Variants in NOD1 observed in about 807,000 individuals in gnomAD.
The protein encoded by NOD1 is nucleotide binding oligomerization domain containing 1, also known as nucleotide-binding oligomerization domain-containing protein 1.
NOD1 carries 70 observed loss-of-function variants against 81.2 expected under a neutral mutation model. The ratio of observed to expected loss-of-function variants is 0.86; its 90% CI spans 0.71 to 1.05. The LOEUF is 1.05. Among genes scored for constraint, NOD1 ranks in the 50% least tolerant of loss-of-function variants. NOD1 has a pLI of 0.00. For missense variants in NOD1, 1,233 were observed against 1,228.0 expected (o/e 1.00, Z -0.06); for synonymous variants, 508 against 526.9 (o/e 0.96, Z 0.49).
At chr7:30,433,522 C>G in intron 11 of NOD1, 1 of 314,804 alleles carries the variant, frequency 3.2e-6, no homozygotes, top group Non-Finnish European at 5.9e-6. Context: ...CAGTTCTCCT[C>G]TAGTCCCAGG....
chr7:30,437,584 C>A lies in NOD1; in HGVS notation c.2526G>T (p.Leu842Phe). The change falls in exon 10 of 14, where the codon TTG becomes TTT. Residue 842 changes from leucine (L) to phenylalanine (F), a missense_variant. By Grantham distance (22) the Leu-to-Phe change is conservative. Coordinates refer to ENST00000222823, the MANE Select transcript of NOD1 (RefSeq NM_006092.4). ...AGGGCCACAGTTACCTCAGGGTGGT[C>A]AAGCTGGGGTGGTTCCGCAGAGCCT... Reference protein sequence around the residue: ...FAEALRNHPSLTTLSLASNGI... With the variant: ...FAEALRNHPSFTTLSLASNGI... 2 of 1,505,554 alleles carry A rather than the reference C, an allele frequency of 1.3e-6. No homozygotes were observed. Among genetic ancestry groups the A allele is most frequent in the South Asian group, 2.8e-5 (2 of 72,422 alleles). 93.3% of individuals were successfully genotyped at this position (1,505,554 alleles called of 1,614,324 possible).
In NOD1 at chr7:30,452,125, A is replaced by T. The variant is rs759800827; in HGVS notation, c.1292T>A (p.Val431Asp). The part of the protein sequence containing the change: ...LTDVFLLVTE[V>D]HLNRMQPSSL... ...GCTGGGCTGCATCCTGTTCAGATGG[A>T]CCTCAGTGACCAGGAGGAAGACATC... The change falls in exon 6 of 14, where the codon GTC becomes GAC. Residue 431 changes from valine (V) to aspartate (D), a missense_variant. Val to Asp is a radical substitution (Grantham distance 152). Coordinates refer to ENST00000222823, the MANE Select transcript of NOD1 (RefSeq NM_006092.4). The T allele has an allele frequency of 6.2e-7, 1 of 1,613,886 alleles. No homozygotes were observed. Among genetic ancestry groups the T allele is most frequent in the African/African-American group, 1.3e-5 (1 of 75,016 alleles).
intron 6 of NOD1, among the ~76,000 whole-genome samples, chr7:30,449,041 T>C (rs938794922): frequency 1.3e-5 from 2 of 152,224 alleles, no homozygotes; most frequent in African/African-American, 2.4e-5. Context: ...CTGTCACAGC[T>C]ACTCAACTGT....
chr7:30,451,735 G>A lies in NOD1; in HGVS notation c.1682C>T (p.Pro561Leu), dbSNP rs1451524683. The stretch of plus-strand genomic sequence containing the variant: ...CTGCAGGCACTGGAACGGGAGGAAG[G>A]GAGGATAGCAGGACGTGGTCGCTGC... Reference protein sequence around the residue: ...AGAATTSCYPPFLPFQCLQGS... With the variant: ...AGAATTSCYPLFLPFQCLQGS... The change falls in exon 6 of 14, where the codon CCC becomes CTC. Residue 561 changes from proline (P) to leucine (L), a missense_variant. Coordinates refer to ENST00000222823, the MANE Select transcript of NOD1 (RefSeq NM_006092.4). The surrounding 1 kb of genome is among the most constrained non-coding windows in gnomAD (Gnocchi z 4.2). 6.2e-7 allele frequency: 1 copy of A among 1,613,854 alleles called. No homozygotes were observed. Among genetic ancestry groups the A allele is most frequent in the Non-Finnish European group, 8.5e-7 (1 of 1,180,030 alleles).
chr7:30,462,016 G>A (rs540334453), intron 1 of NOD1, among the ~76,000 whole-genome samples: 24 of 152,324 alleles, frequency 1.6e-4, no homozygotes, highest in East Asian at 1.5e-3. Flanking sequence ...GGGATTACAG[G>A]TGTGAGCCAC....
chr7:30,466,979 C>G lies in NOD1; in HGVS notation c.-351-6938G>C, dbSNP rs1418339554. Among the ~76,000 whole-genome samples, 3 of 152,158 alleles carry G rather than the reference C, an allele frequency of 2.0e-5. No individual in the cohort carries two copies. In the South Asian group the frequency reaches 6.2e-4, roughly 32 times the overall value. ...ACCTCACTCCACCCCTCACTTGGCT[C>G]CACAGAACCACATCCATCATTTCTG... On this transcript the variant is annotated intron_variant, in intron 1 of 13. Transcript: ENST00000222823.
In NOD1 at chr7:30,451,768, G is replaced by A. The variant is rs1785745130; in HGVS notation, c.1649C>T (p.Pro550Leu). The change falls in exon 6 of 14, where the codon CCT (proline) becomes CTT (leucine). Residue 550 changes from proline (P) to leucine (L), a missense_variant. Pro to Leu is a moderately conservative substitution (Grantham distance 98, BLOSUM62 -3). Coordinates refer to ENST00000222823, the MANE Select transcript of NOD1 (RefSeq NM_006092.4). The surrounding 1 kb of genome is among the most constrained non-coding windows in gnomAD (Gnocchi z 4.2). Reference protein sequence around the residue: ...LLRFFQEWMPPAGAATTSCYP... With the variant: ...LLRFFQEWMPLAGAATTSCYP... ...GCAGGACGTGGTCGCTGCCCCCGCA[G>A]GGGGCATCCACTCCTGGAAGAACCT... The A allele has an allele frequency of 3.1e-6, 5 of 1,613,674 alleles. No individual in the cohort carries two copies. Among genetic ancestry groups the A allele is most frequent in the African/African-American group, 1.3e-5 (1 of 74,936 alleles).
chr7:30,438,172 T>C (rs540468690), intron 9 of NOD1, among the ~76,000 whole-genome samples: 1 of 152,172 alleles, frequency 6.6e-6, no homozygotes, highest in Non-Finnish European at 1.5e-5. Context: ...TCCTGTCACA[T>C]AAAGAGGACG....
At position 30,436,058 on chromosome 7, in the gene NOD1, G is replaced by T. The variant is rs1268703017; in HGVS notation, c.2561C>A (p.Thr854Lys). The change falls in exon 11 of 14, where the codon ACA (threonine) becomes AAA (lysine). Residue 854 changes from threonine to lysine, a missense_variant. Coordinates refer to ENST00000222823, the MANE Select transcript of NOD1 (RefSeq NM_006092.4). ...TLSLASNGISTEGGKSLARAL... is the reference protein window; with the variant it reads ...TLSLASNGISKEGGKSLARAL... The stretch of plus-strand genomic sequence containing the variant: ...CCTCGCAAGGCTCTTTCCTCCTTCT[G>T]TGGAGATGCCGTTGGACGCAAGACT... 1 of 1,614,014 alleles carries T rather than the reference G, an allele frequency of 6.2e-7. No homozygotes were observed. Among genetic ancestry groups the T allele is most frequent in the African/African-American group, 1.3e-5 (1 of 74,950 alleles).
intron 13 of NOD1, 29 bp downstream of exon 13, chr7:30,429,345 T>G (rs1214214358): frequency 6.4e-7 from 1 of 1,569,660 alleles, no homozygotes; most frequent in South Asian, 1.1e-5. Flanking sequence ...TCACTGGTGT[T>G]ATTACTGTGA....
chr7:30,453,379 C>T lies in NOD1; in HGVS notation c.377-339G>A, dbSNP rs555418495. On this transcript the variant is annotated intron_variant, in intron 5 of 13. Transcript: ENST00000222823. ...ACTGCAGCTAAACACTGAAGCCCCT[C>T]GCACTCGAGGGCCAGGCCAGATGGC... Among the ~76,000 whole-genome samples the T allele has an allele frequency of 2.1e-4, 32 of 152,280 alleles. No homozygotes were observed. In the South Asian group the frequency reaches 4.8e-3, roughly 23 times the overall value.
intron 5 of NOD1, among the ~76,000 whole-genome samples, chr7:30,453,798 G>T (rs1786051862): frequency 6.6e-6 from 1 of 152,226 alleles, no homozygotes; most frequent in South Asian, 2.1e-4. Flanking sequence ...GTTTTCTGGA[G>T]CCTATTTGTA....
In NOD1 at chr7:30,451,032, C is replaced by G. The variant is rs535831349; in HGVS notation, c.2201+184G>C. Among the ~76,000 whole-genome samples the G allele has an allele frequency of 2.0e-5, 3 of 152,308 alleles. No homozygotes were observed. In the South Asian group the frequency reaches 6.2e-4, roughly 32 times the overall value. On this transcript the variant is annotated intron_variant, in intron 6 of 13. Transcript: ENST00000222823. This position sits in a 1 kb window ranked among gnomAD's most constrained non-coding sequence, Gnocchi z 4.2. ...TCAAGGGCACCCAGCTGTGGCTGAT[C>G]CAGGTCCACCTGCCTCGAAGCTTTG... is the stretch of plus-strand genomic sequence containing the variant.
At chr7:30,475,892 C>T (rs1277359181) in intron 1 of NOD1, 2 of 152,198 alleles carry the variant, frequency 1.3e-5, no homozygotes, top group African/African-American at 4.8e-5. Context: ...TTGCCCTCAA[C>T]GAGTATTTGA....
At chr7:30,455,590 C>CTT (rs34626585) in intron 4 of NOD1, among the ~76,000 whole-genome samples, 46,244 of 142,868 alleles carry the variant, frequency 0.32, 8,233 homozygotes, top group African/African-American at 0.47. Flanking sequence ...TTCTCTACCT[C>CTT]TTTTTTTTTT....
At chr7:30,446,095 C>CA (rs1554306714) in intron 9 of NOD1, 46 bp downstream of exon 9, 10 of 1,435,680 alleles carry the variant, frequency 7.0e-6, no homozygotes, top group South Asian at 2.3e-5. Context: ...CCGCCCCCCA[C>CA]ACACACAGCA....
chr7:30,475,458 G>C (rs10224448), intron 1 of NOD1, among the ~76,000 whole-genome samples: 1 of 152,256 alleles, frequency 6.6e-6, no homozygotes, highest in Non-Finnish European at 1.5e-5. Flanking sequence ...GGACGCTTCA[G>C]TAAAACAAAT....
chr7:30,475,567 A>G (rs1478205925), intron 1 of NOD1, among the ~76,000 whole-genome samples: 2 of 152,230 alleles, frequency 1.3e-5, no homozygotes, highest in Non-Finnish European at 2.9e-5. Context: ...CTCATCAGGG[A>G]ACTCTGCCCC....
intron 6 of NOD1, among the ~76,000 whole-genome samples, chr7:30,449,968 G>A (rs1343858018): frequency 1.3e-5 from 2 of 152,166 alleles, no homozygotes; most frequent in Non-Finnish European, 2.9e-5. Context: ...CGAGGCGGGC[G>A]GATCACCTGA....
Sources: allele counts gnomAD v4.1 joint callset (sites outside exome capture counted in the v4.1 genomes callset), GRCh38; gene constraint gnomAD v4.1.1; non-coding constraint Gnocchi (gnomAD v3.1); transcripts MANE v1.5; gene names NCBI Gene and HGNC (gene_info 2026-07-23, HGNC 2026-07-21).